Variants in TMEM132B observed in about 807,000 individuals in gnomAD.
The protein encoded by TMEM132B is transmembrane protein 132B.
In TMEM132B, 18 loss-of-function variants were observed where a neutral mutation model predicts 90.8. The ratio of observed to expected loss-of-function variants is 0.20; its 90% CI spans 0.14 to 0.29. The LOEUF is 0.29. Ranked by LOEUF, TMEM132B falls within the 10% of genes least tolerant of loss-of-function variation. The pLI, the probability that TMEM132B is intolerant of heterozygous loss-of-function variation, is 1.00. For missense variants in TMEM132B, 1,096 were observed against 1,326.8 expected (o/e 0.83, Z 2.70); for synonymous variants, 504 against 523.3 (o/e 0.96, Z 0.50).
chr12:125,568,008 G>A (rs1049204255), intron 4 of TMEM132B, among the ~76,000 whole-genome samples: 4 of 152,182 alleles, frequency 2.6e-5, no homozygotes, highest in South Asian at 2.1e-4. Flanking sequence ...CCTTGCGTGC[G>A]TCTGTCTCTC....
intron 2 of TMEM132B, among the ~76,000 whole-genome samples, chr12:125,404,392 A>G (rs1002498939): frequency 9.9e-5 from 15 of 152,176 alleles, no homozygotes; most frequent in African/African-American, 3.1e-4. Flanking sequence ...TAGGATCAGG[A>G]AATCATATCT....
intron 1 of TMEM132B, among the ~76,000 whole-genome samples, chr12:125,200,059 G>A (rs1329249367): frequency 6.6e-6 from 1 of 152,206 alleles, no homozygotes; most frequent in Non-Finnish European, 1.5e-5. Flanking sequence ...TCCCTCGGCA[G>A]GAAGTAGGAT....
intron 3 of TMEM132B, among the ~76,000 whole-genome samples, chr12:125,421,501 A>G (rs559182278): frequency 2.6e-5 from 4 of 152,216 alleles, no homozygotes; most frequent in South Asian, 2.1e-4. Flanking sequence ...GGAAAGACCC[A>G]CCTCCATGAG....
intron 2 of TMEM132B, among the ~76,000 whole-genome samples, chr12:125,409,598 A>AGTGGAGGAGT (rs1566026135): frequency 8.6e-5 from 8 of 92,836 alleles, no homozygotes; most frequent in Non-Finnish European, 1.5e-4. Flanking sequence ...AGTGGAGTGG[A>AGTGGAGGAGT]GGAGTGGAGT....
chr12:125,579,721 A>C (rs1885011054), intron 4 of TMEM132B, among the ~76,000 whole-genome samples: 1 of 152,170 alleles, frequency 6.6e-6, no homozygotes, highest in Non-Finnish European at 1.5e-5. Context: ...TATTCAAAAC[A>C]TTTAATTAAA....
At chr12:125,426,144 A>G (rs1329584312) in intron 3 of TMEM132B, among the ~76,000 whole-genome samples, 1 of 152,150 alleles carries the variant, frequency 6.6e-6, no homozygotes, top group Non-Finnish European at 1.5e-5. Context: ...AGCCATTCTA[A>G]TAGTTGTGTA....
At chr12:125,355,547 G>A (rs1225388218) in intron 2 of TMEM132B, among the ~76,000 whole-genome samples, 1 of 152,176 alleles carries the variant, frequency 6.6e-6, no homozygotes, top group Non-Finnish European at 1.5e-5. Context: ...GCTGCTGCAC[G>A]GTGGAAGATC....
intron 1 of TMEM132B, among the ~76,000 whole-genome samples, chr12:125,318,231 G>A (rs867527287): frequency 6.6e-6 from 1 of 151,524 alleles, no homozygotes; most frequent in African/African-American, 2.4e-5. Context: ...GAGGAAAGGG[G>A]TTACCTCTGG....
chr12:125,519,384 C>A, intron 3 of TMEM132B, 55 bp from the exon 4 acceptor site: 1 of 1,502,702 alleles, frequency 6.7e-7, no homozygotes, highest in Non-Finnish European at 9.0e-7. Context: ...ACATTCTTGA[C>A]ATTTTGCTGA....
chr12:125,259,317 T>C (rs994149781), intron 1 of TMEM132B, among the ~76,000 whole-genome samples: 1 of 152,240 alleles, frequency 6.6e-6, no homozygotes, highest in African/African-American at 2.4e-5. Flanking sequence ...AGGCATCCGA[T>C]AAAATTCGTT....
intron 1 of TMEM132B, among the ~76,000 whole-genome samples, chr12:125,216,474 C>T (rs116268390): frequency 0.019 from 2,873 of 152,230 alleles, 92 homozygotes; most frequent in African/African-American, 0.064. Flanking sequence ...CACAAAACTT[C>T]ATTTTGTAAC....
chr12:125,257,782 A>G (rs924599838), intron 1 of TMEM132B, among the ~76,000 whole-genome samples: 2 of 152,224 alleles, frequency 1.3e-5, no homozygotes, highest in African/African-American at 4.8e-5. Context: ...ATGTGGCCAC[A>G]GAGGCAGAGA....
At chr12:125,453,726 T>C (rs1881216863) in intron 3 of TMEM132B, among the ~76,000 whole-genome samples, 2 of 152,336 alleles carry the variant, frequency 1.3e-5, no homozygotes, top group South Asian at 2.1e-4. Flanking sequence ...AGCTGCTTCA[T>C]AGTGCATTTT....
At chr12:125,429,366 A>ATTTTTTT (rs35253420) in intron 3 of TMEM132B, among the ~76,000 whole-genome samples, 2 of 150,534 alleles carry the variant, frequency 1.3e-5, no homozygotes, top group East Asian at 3.9e-4. Flanking sequence ...TGCCTAGATA[A>ATTTTTTT]TTTTTTTTTT....
At chr12:125,568,899 T>A (rs191508442) in intron 4 of TMEM132B, among the ~76,000 whole-genome samples, 27 of 152,274 alleles carry the variant, frequency 1.8e-4, no homozygotes, top group African/African-American at 6.5e-4. Flanking sequence ...ACAATCACAC[T>A]TTATCTCTGA....
chr12:125,357,954 G>A (rs1877834357), intron 2 of TMEM132B, among the ~76,000 whole-genome samples: 1 of 152,246 alleles, frequency 6.6e-6, no homozygotes, highest in Non-Finnish European at 1.5e-5. Context: ...CTGGGTTGGA[G>A]GCAGAAATCT....
intron 1 of TMEM132B, among the ~76,000 whole-genome samples, chr12:125,273,735 G>A (rs571917455): frequency 1.3e-5 from 2 of 152,302 alleles, no homozygotes; most frequent in East Asian, 1.9e-4. Flanking sequence ...GTGCGATCTT[G>A]GCTCACTGCA....
intron 1 of TMEM132B, among the ~76,000 whole-genome samples, chr12:125,227,444 G>A (rs1873708438): frequency 6.6e-6 from 1 of 152,154 alleles, no homozygotes; most frequent in Admixed American, 6.5e-5. Flanking sequence ...AGACCCAGGT[G>A]GTCTGGGTCC....
intron 1 of TMEM132B, among the ~76,000 whole-genome samples, chr12:125,266,781 C>T (rs1462626713): frequency 2.0e-5 from 3 of 152,208 alleles, no homozygotes; most frequent in African/African-American, 7.2e-5. Context: ...GGCTTCTTAT[C>T]CAAGTCCCAG....
Sources: gnomAD v4.1 joint callset for allele counts (sites outside exome capture counted in the v4.1 genomes callset) on GRCh38, gnomAD v4.1.1 for gene constraint, MANE v1.5 for transcripts, NCBI Gene and HGNC (gene_info 2026-07-23, HGNC 2026-07-21) for gene names.